Variants in KLHL21 observed in about 807,000 individuals in gnomAD.
KLHL21 encodes the protein kelch-like protein 21.
In KLHL21, 42 loss-of-function variants were observed where a neutral mutation model predicts 44.1. The observed-to-expected ratio is 0.95, with a 90% CI of 0.74 to 1.23. KLHL21 has a LOEUF of 1.23. KLHL21 is among the 50% of genes most tolerant of loss of function. The probability of loss-of-function intolerance (pLI) is 0.00; values close to 1 mark genes in which losing one functional copy is unlikely to be tolerated. For synonymous variants in KLHL21, 524 were observed against 411.6 expected (o/e 1.27, Z -3.31); for missense variants, 918 against 889.1 (o/e 1.03, Z -0.41).
rs550957678 is a variant in KLHL21, at chr1:6,593,386, C to G, written c.1773G>C (p.Arg591=). The G allele has an allele frequency of 9.4e-6, 15 of 1,601,598 alleles. No individual in the cohort carries two copies. The highest frequency in any genetic ancestry group is 1.3e-5 in the African/African-American group (1 of 74,758). The change falls in exon 4 of 4, where the codon CGG becomes CGC. Residue 591 remains arginine (R), a synonymous_variant. Transcript: ENST00000377658. ...DMDPGRPRPP[R]DPDELH ...GGGGCTAGTGCAGCTCATCGGGGTC[C>G]CGCGGCGGCCGGGGTCGGCCTGGGT...
At position 6,599,462 on chromosome 1, in the gene KLHL21, C is replaced by G. The variant is rs764517974; in HGVS notation, c.1022-10G>C. The G allele has an allele frequency of 1.3e-6, 2 of 1,590,730 alleles. No individual in the cohort carries two copies. The highest frequency in any genetic ancestry group is 1.7e-6 in the Non-Finnish European group (2 of 1,166,464). Reference sequence around the variant, plus strand: ...GAGCCATCGGACCCACCTGCCAGGACGCATGACAGGCAGAAGATCAGCCCA... The same window carrying G: ...GAGCCATCGGACCCACCTGCCAGGAGGCATGACAGGCAGAAGATCAGCCCA... On this transcript the variant is annotated splice_polypyrimidine_tract_variant and intron_variant, in intron 1 of 3. Coordinates refer to ENST00000377658, the MANE Select transcript of KLHL21 (RefSeq NM_014851.4).
At chr1:6,598,255 C>G (rs567809172) in intron 2 of KLHL21, among the ~76,000 whole-genome samples, 3 of 152,090 alleles carry the variant, frequency 2.0e-5, no homozygotes, top group Non-Finnish European at 2.9e-5. Context: ...GGCAATACAG[C>G]GAGACCCTGT....
intron 3 of KLHL21, chr1:6,594,493 G>C (rs1007488914): frequency 1.3e-5 from 2 of 152,170 alleles, no homozygotes; most frequent in Admixed American, 1.3e-4. Flanking sequence ...ACAAGGTCAG[G>C]AGATCCAGAC....
chr1:6,602,768 T>G lies in KLHL21; in HGVS notation c.50A>C (p.His17Pro). 1 of 1,489,162 alleles carries G rather than the reference T, an allele frequency of 6.7e-7. No individual in the cohort carries two copies. Among genetic ancestry groups the G allele is most frequent in the Non-Finnish European group, 8.9e-7 (1 of 1,128,134 alleles). The allele number at this position is 1,489,162 out of a possible 1,614,324, so 92.2% of individuals were successfully genotyped here. A position where few individuals can be genotyped will look rare whatever the true frequency, so the allele number is the denominator to read the frequency against. ...LAVLPFSDPA[H>P]ALSLLRGLSQ... is the part of the protein sequence containing the mutation. ...CAGGCCGCGCAGCAGGCTCAGGGCG[T>G]GCGCGGGGTCCGAGAAGGGAAGCAC... The change falls in exon 1 of 4, where the codon CAC becomes CCC. Residue 17 changes from histidine (H) to proline (P), a missense_variant. His to Pro is a moderately conservative substitution (Grantham distance 77, BLOSUM62 -2). Coordinates refer to ENST00000377658, the MANE Select transcript of KLHL21 (RefSeq NM_014851.4).
intron 2 of KLHL21, among the ~76,000 whole-genome samples, chr1:6,597,626 CA>C (rs1640945935): frequency 6.6e-6 from 1 of 152,122 alleles, no homozygotes; most frequent in African/African-American, 2.4e-5. Context: ...GTGCTCACTC[CA>C]AAAGCCTGGT....
intron 2 of KLHL21, among the ~76,000 whole-genome samples, chr1:6,598,160 G>T (rs920713062): frequency 1.3e-5 from 2 of 152,240 alleles, no homozygotes; most frequent in African/African-American, 4.8e-5. Flanking sequence ...GGCTGGGTGT[G>T]GGGGCTCACA....
Position 6,602,863 on chromosome 1 carries a change from G to A in KLHL21, c.-46C>T, listed in dbSNP as rs755332775. On this transcript the variant is annotated 5_prime_UTR_variant, in exon 1 of 4. Transcript: ENST00000377658. Reference sequence around the variant, plus strand: ...GAGGACGCCGCGGCCGGGGCCTGCGGAGAGACGCGGCGCGCTAGGCACCGC... The same window carrying A: ...GAGGACGCCGCGGCCGGGGCCTGCGAAGAGACGCGGCGCGCTAGGCACCGC... 72 of 1,372,656 alleles carry A rather than the reference G, an allele frequency of 5.2e-5. 1 individual carries two copies. In the South Asian group the frequency reaches 6.9e-4, roughly 13 times the overall value. 85.0% of individuals were successfully genotyped at this position (1,372,656 alleles called of 1,614,324 possible).
At position 6,602,867 on chromosome 1, in the gene KLHL21, GAC is replaced by G; in HGVS notation, c.-52_-51del. 7.3e-7 allele frequency: 1 copy of G among 1,371,542 alleles called. No homozygotes were observed. Among genetic ancestry groups the G allele is most frequent in the African/African-American group, 1.5e-5 (1 of 64,804 alleles). The allele number at this position is 1,371,542 out of a possible 1,614,324, so 85.0% of individuals were successfully genotyped here. A position where few individuals can be genotyped will look rare whatever the true frequency, so the allele number is the denominator to read the frequency against. On this transcript the variant is annotated 5_prime_UTR_variant, in exon 1 of 4. Transcript: ENST00000377658. The stretch of plus-strand genomic sequence containing the variant: ...ACGCCGCGGCCGGGGCCTGCGGAGA[GAC>G]GCGGCGCGCTAGGCACCGCTGCTAT...
At position 6,593,374 on chromosome 1, in the gene KLHL21, C is replaced by T; in HGVS notation, c.1785G>A (p.Glu595=). The change falls in exon 4 of 4, where the codon GAG becomes GAA. Residue 595 remains glutamate, a synonymous_variant. Transcript: ENST00000377658. ...GRPRPPRDPD[E]LH ...CCGGGCCAGACTGGGGCTAGTGCAGCTCATCGGGGTCCCGCGGCGGCCGGG... is the reference window on the plus strand; with the variant it reads ...CCGGGCCAGACTGGGGCTAGTGCAGTTCATCGGGGTCCCGCGGCGGCCGGG... 2 of 1,593,574 alleles carry T rather than the reference C, an allele frequency of 1.3e-6. No individual in the cohort carries two copies. Among genetic ancestry groups the T allele is most frequent in the Non-Finnish European group, 1.7e-6 (2 of 1,170,766 alleles).
chr1:6,590,935 G>A lies in KLHL21; in HGVS notation c.*2430C>T, dbSNP rs1640839612. On this transcript the variant is annotated 3_prime_UTR_variant, in exon 4 of 4. Coordinates refer to ENST00000377658, the MANE Select transcript of KLHL21 (RefSeq NM_014851.4). ...TATAAATATAGAATACCTTATAGTA[G>A]ATCAGCATTAAATACCAGTCACTGT... The A allele has an allele frequency of 1.0e-5, 4 of 398,512 alleles. No individual in the cohort carries two copies. The highest frequency in any genetic ancestry group is 8.2e-5 in the African/African-American group (4 of 48,622). 24.7% of individuals were successfully genotyped at this position (398,512 alleles called of 1,614,324 possible). A position where few individuals can be genotyped will look rare whatever the true frequency, so the allele number is the denominator to read the frequency against.
rs74049690 is a variant in KLHL21, at chr1:6,593,171, G to A, written c.*194C>T. 1.3e-3 allele frequency: 746 copies of A among 568,010 alleles called. 3 individuals are homozygous for A. Among genetic ancestry groups the A allele is most frequent in the African/African-American group, 0.013 (690 of 53,908 alleles). The allele number at this position is 568,010 out of a possible 1,614,324, so 35.2% of individuals were successfully genotyped here. ...GCTCTTCCTCAACTGCAGGGAGGGCGTTCCCGACGGCCTCTGATTCAGGCT... is the reference window on the plus strand; with the variant it reads ...GCTCTTCCTCAACTGCAGGGAGGGCATTCCCGACGGCCTCTGATTCAGGCT... On this transcript the variant is annotated 3_prime_UTR_variant, in exon 4 of 4. Coordinates refer to ENST00000377658, the MANE Select transcript of KLHL21 (RefSeq NM_014851.4).
At chr1:6,597,095 G>C (rs971741231) in intron 2 of KLHL21, among the ~76,000 whole-genome samples, 1 of 152,240 alleles carries the variant, frequency 6.6e-6, no homozygotes, top group African/African-American at 2.4e-5. Flanking sequence ...GGCTGAGCCT[G>C]GGCGCCCCTC....
chr1:6,593,769 GC>G (rs1640887767), intron 3 of KLHL21, 111 bp from the exon 4 acceptor site: 41 of 1,413,614 alleles, frequency 2.9e-5, no homozygotes, highest in Non-Finnish European at 3.7e-5. Context: ...CAGAGGGGTG[GC>G]CTTGGCTCTC....
chr1:6,597,340 C>A (rs1326262554), intron 2 of KLHL21, among the ~76,000 whole-genome samples: 4 of 152,160 alleles, frequency 2.6e-5, no homozygotes, highest in Admixed American at 6.5e-5. Context: ...GGGAGGAGGA[C>A]TCTCAAAGAC....
intron 2 of KLHL21, among the ~76,000 whole-genome samples, chr1:6,596,058 C>A (rs1039357021): frequency 1.3e-5 from 2 of 152,216 alleles, no homozygotes; most frequent in African/African-American, 4.8e-5. Context: ...CTTCATCTGA[C>A]ACCCTTTATA....
chr1:6,602,773 G>A lies in KLHL21; in HGVS notation c.45C>T (p.Pro15=). Reference sequence around the variant, plus strand: ...CGCGCAGCAGGCTCAGGGCGTGCGCGGGGTCCGAGAAGGGAAGCACGGCCA... The same window carrying A: ...CGCGCAGCAGGCTCAGGGCGTGCGCAGGGTCCGAGAAGGGAAGCACGGCCA... ...APLAVLPFSD[P]AHALSLLRGL... The change falls in exon 1 of 4, where the codon CCC becomes CCT. Residue 15 remains proline (P), a synonymous_variant. Coordinates refer to ENST00000377658, the MANE Select transcript of KLHL21 (RefSeq NM_014851.4). 6.7e-7 allele frequency: 1 copy of A among 1,486,846 alleles called. No homozygotes were observed. The highest frequency in any genetic ancestry group is 8.9e-7 in the Non-Finnish European group (1 of 1,127,216). 92.1% of individuals were successfully genotyped at this position (1,486,846 alleles called of 1,614,324 possible). A position where few individuals can be genotyped will look rare whatever the true frequency, so the allele number is the denominator to read the frequency against.
intron 1 of KLHL21, among the ~76,000 whole-genome samples, chr1:6,601,013 C>T (rs1641008264): frequency 6.6e-6 from 1 of 152,248 alleles, no homozygotes; most frequent in Admixed American, 6.5e-5. Flanking sequence ...CAGTCCCCAC[C>T]TCCTTGCCTG....
In KLHL21 at chr1:6,602,209, C is replaced by T; in HGVS notation, c.609G>A (p.Leu203=). The part of the protein sequence containing the change: ...PKEEAAYQLA[L]RWVRADPPRR... ...GCGGCGGGTCAGCGCGGACCCAGCG[C>T]AGCGCCAGCTGGTAGGCGGCCTCCT... Residue 203 remains leucine (L), a synonymous_variant, in exon 1 of 4, where the codon CTG becomes CTA. Transcript: ENST00000377658. 4.0e-6 allele frequency: 6 copies of T among 1,517,094 alleles called. No homozygotes were observed. The highest frequency in any genetic ancestry group is 1.4e-5 in the African/African-American group (1 of 70,220). The allele number at this position is 1,517,094 out of a possible 1,614,324, so 94.0% of individuals were successfully genotyped here. A position where few individuals can be genotyped will look rare whatever the true frequency, so the allele number is the denominator to read the frequency against.
rs74049692 is a variant in KLHL21 at position 6,595,594 on chromosome 1, C to T, written c.1428-37G>A. The T allele has an allele frequency of 3.2e-3, 5,140 of 1,582,890 alleles. 125 individuals are homozygous for T. In the African/African-American group the frequency reaches 0.057, roughly 18 times the overall value. On this transcript the variant is annotated intron_variant, in intron 2 of 3. Transcript: ENST00000377658. ...GCAGCAGGAGGACAACTGCTCAGAGCGAGGAGGAAGTGCACACATGCAGGG... is the reference window on the plus strand; with the variant it reads ...GCAGCAGGAGGACAACTGCTCAGAGTGAGGAGGAAGTGCACACATGCAGGG...
Sources: gnomAD v4.1 joint callset for allele counts (sites outside exome capture counted in the v4.1 genomes callset) on GRCh38, gnomAD v4.1.1 for gene constraint, MANE v1.5 for transcripts, NCBI Gene and HGNC (gene_info 2026-07-23, HGNC 2026-07-21) for gene names.